The following RELCH variants were observed in gnomAD, a reference collection of about 807,000 sequenced individuals.
RELCH encodes the protein RAB11 binding and LisH domain, coiled-coil and HEAT repeat containing.
A neutral mutation model predicts 150.3 loss-of-function variants in RELCH; 41 were observed. The observed-to-expected ratio is 0.27, with a 90% CI of 0.21 to 0.35. The LOEUF (loss-of-function observed/expected upper bound fraction) is 0.35, where lower values mean the gene tolerates loss of function less well. Among genes scored for constraint, RELCH ranks in the 10% least tolerant of loss-of-function variants. The probability of loss-of-function intolerance (pLI) is 1.00; values close to 1 mark genes in which losing one functional copy is unlikely to be tolerated. For synonymous variants in RELCH, 478 were observed against 531.8 expected (o/e 0.90, Z 1.39); for missense variants, 1,092 against 1,467.8 (o/e 0.74, Z 4.18).
intron 1 of RELCH, among the ~76,000 whole-genome samples, chr18:62,196,381 C>A (rs946559359): frequency 1.3e-5 from 2 of 152,138 alleles, no homozygotes; most frequent in Non-Finnish European, 2.9e-5. Context: ...AAGCCCGCAC[C>A]ACCACACCTG....
In RELCH at chr18:62,264,657, G is replaced by A. The variant is rs1043253724; in HGVS notation, c.2508-72G>A. 3.4e-5 allele frequency: 39 copies of A among 1,142,982 alleles called. No individual in the cohort carries two copies. The African/African-American group carries it at 5.8e-4, about 17-fold the overall frequency. The allele number at this position is 1,142,982 out of a possible 1,614,324, so 70.8% of individuals were successfully genotyped here. ...TAGAACAGGTTATTAGATTTGCATT[G>A]TTTCAGAAATTGGCAAGGAAACAGT... On this transcript the variant is annotated intron_variant, in intron 17 of 28. Coordinates refer to ENST00000644646, the MANE Select transcript of RELCH (RefSeq NM_001346231.2).
In RELCH at chr18:62,228,818, A is replaced by G. The variant is rs146961607; in HGVS notation, c.1448+220A>G. On this transcript the variant is annotated intron_variant, in intron 8 of 28. Coordinates refer to ENST00000644646, the MANE Select transcript of RELCH (RefSeq NM_001346231.2). ...TAAATCAAAAAGGAATTACCCATCA[A>G]TGAGCTAGGTTCTATCTTAGCTAAG... Among the ~76,000 whole-genome samples the G allele has an allele frequency of 3.7e-3, 569 of 152,236 alleles. 4 individuals are homozygous for G. The highest frequency in any genetic ancestry group is 0.013 in the African/African-American group (547 of 41,576).
Position 62,187,650 on chromosome 18 carries a change from C to T in RELCH, c.145C>T (p.Pro49Ser). 1 of 1,558,124 alleles carries T rather than the reference C, an allele frequency of 6.4e-7. No individual in the cohort carries two copies. The highest frequency in any genetic ancestry group is 8.7e-7 in the Non-Finnish European group (1 of 1,149,424). The change falls in exon 1 of 29, where the codon CCT becomes TCT. Residue 49 changes from proline (P) to serine (S), a missense_variant. This residue lies in a region of RELCH where 138 missense variants were observed against 124.8 expected (regional missense o/e 1.11). Coordinates refer to ENST00000644646, the MANE Select transcript of RELCH (RefSeq NM_001346231.2). Reference sequence around the variant, plus strand: ...GCTGGGCGCCGGAAGTGGCCTAGATCCTGGCTCTGCGGGCTCGCTGTCGCC... The same window carrying T: ...GCTGGGCGCCGGAAGTGGCCTAGATTCTGGCTCTGCGGGCTCGCTGTCGCC... ...LRLGAGSGLD[P>S]GSAGSLSPQD... is the part of the protein sequence containing the mutation.
chr18:62,296,005 TG>T (rs527602538), intron 27 of RELCH, among the ~76,000 whole-genome samples: 3 of 152,154 alleles, frequency 2.0e-5, no homozygotes, highest in Admixed American at 1.3e-4. Flanking sequence ...TTTGTTTAAT[TG>T]GGGGGCAGGG....
At chr18:62,256,942 T>C (rs1012170186) in intron 13 of RELCH, among the ~76,000 whole-genome samples, 2 of 152,078 alleles carry the variant, frequency 1.3e-5, no homozygotes, top group African/African-American at 4.8e-5. Context: ...TTCACCAACC[T>C]AAATGTGTTT....
intron 12 of RELCH, among the ~76,000 whole-genome samples, chr18:62,253,388 G>A (rs1007788999): frequency 2.6e-5 from 4 of 151,032 alleles, no homozygotes; most frequent in African/African-American, 7.3e-5. Context: ...GGAGGTTTTT[G>A]TATTTATACT....
intron 27 of RELCH, among the ~76,000 whole-genome samples, chr18:62,298,070 T>C (rs1381272057): frequency 6.6e-6 from 1 of 151,868 alleles, no homozygotes; most frequent in East Asian, 1.9e-4. Context: ...AAGTAGGGAA[T>C]ATTGTCTGTT....
In RELCH at chr18:62,275,395, G is replaced by C. The variant is rs376669611; in HGVS notation, c.2889G>C (p.Glu963Asp). The C allele has an allele frequency of 6.5e-7, 1 of 1,547,386 alleles. No homozygotes were observed. Among genetic ancestry groups the C allele is most frequent in the Non-Finnish European group, 8.7e-7 (1 of 1,154,008 alleles). The change falls in exon 22 of 29, where the codon GAG (glutamate) becomes GAC (aspartate). Residue 963 changes from glutamate to aspartate, a missense_variant. Glu to Asp is a conservative substitution (Grantham distance 45). Around this residue, in one of 4 missense-constraint regions of RELCH, gnomAD observed 707 missense variants for 1,025.4 expected, o/e 0.69. Transcript: ENST00000644646. ...CTAGTGCAAACCCAGCCTACCATGA[G>C]TTACTATTAACTGTTTTGTGGTATG... ...VELGANPAYH[E>D]LLLTVLWYGV...
chr18:62,258,495 C>T lies in RELCH; in HGVS notation c.2038-17C>T. 1.9e-6 allele frequency: 3 copies of T among 1,586,444 alleles called. No homozygotes were observed. The highest frequency in any genetic ancestry group is 4.6e-5 in the East Asian group (2 of 43,766). On this transcript the variant is annotated splice_polypyrimidine_tract_variant and intron_variant, in intron 14 of 28. Transcript: ENST00000644646. ...TATCCCTTTAAAAATCTACATTTGC[C>T]TTTTTCTCATTGACAGGGTTTTGAA...
rs1333247081 is a variant in RELCH at position 62,305,851 on chromosome 18, C to G, written c.*317C>G. 1 of 155,144 alleles carries G rather than the reference C, an allele frequency of 6.4e-6. No individual in the cohort carries two copies. The highest frequency in any genetic ancestry group is 1.4e-5 in the Non-Finnish European group (1 of 70,332). 9.6% of individuals were successfully genotyped at this position (155,144 alleles called of 1,614,324 possible). A position where few individuals can be genotyped will look rare whatever the true frequency, so the allele number is the denominator to read the frequency against. On this transcript the variant is annotated 3_prime_UTR_variant, in exon 29 of 29. Transcript: ENST00000644646. The surrounding 1 kb of genome is among the most constrained non-coding windows in gnomAD (Gnocchi z 4.0). ...TTTTTTAATTTTTGGATGGGATATT[C>G]GCAAATATCTGTATTATACACTAAG...
chr18:62,268,948 G>T lies in RELCH; in HGVS notation c.2760G>T (p.Gln920His). 6.7e-7 allele frequency: 1 copy of T among 1,490,854 alleles called. No individual in the cohort carries two copies. Among genetic ancestry groups the T allele is most frequent in the Non-Finnish European group, 9.0e-7 (1 of 1,105,766 alleles). The allele number at this position is 1,490,854 out of a possible 1,614,324, so 92.4% of individuals were successfully genotyped here. ...CAGGAGTCCTTACGTGTTATATTCA[G>T]GTAAGGGAAAAATTCTTACTCTCTA... ...YATGVLTCYIQEEDRKLLVGF... is the reference protein window; with the variant it reads ...YATGVLTCYIHEEDRKLLVGF... The change falls in exon 20 of 29, where the codon CAG (glutamine) becomes CAT (histidine). Residue 920 changes from glutamine to histidine, a missense_variant and splice_region_variant. Transcript: ENST00000644646.
chr18:62,203,370 T>C (rs192333492), intron 1 of RELCH, among the ~76,000 whole-genome samples: 6,467 of 152,124 alleles, frequency 0.043, 161 homozygotes, highest in South Asian at 0.073. Flanking sequence ...GGCAGGAGAA[T>C]GGCTTGAACC....
chr18:62,258,286 C>T (rs2043085999), intron 14 of RELCH, among the ~76,000 whole-genome samples, 198 bp downstream of exon 14: 2 of 151,888 alleles, frequency 1.3e-5, no homozygotes, highest in African/African-American at 4.8e-5. Context: ...ATAGTATCTG[C>T]CACAGCTTTC....
In RELCH at chr18:62,231,194, G is replaced by T; in HGVS notation, c.1449G>T (p.Arg483Ser). 1.3e-6 allele frequency: 2 copies of T among 1,579,130 alleles called. No individual in the cohort carries two copies. Among genetic ancestry groups the T allele is most frequent in the Non-Finnish European group, 8.7e-7 (1 of 1,153,754 alleles). The change falls in exon 9 of 29, where the codon AGG becomes AGT. Residue 483 changes from arginine to serine, a missense_variant and splice_region_variant. This residue lies in a region of RELCH where 707 missense variants were observed against 1,025.4 expected (regional missense o/e 0.69). Coordinates refer to ENST00000644646, the MANE Select transcript of RELCH (RefSeq NM_001346231.2). ...CTCTTTTTCATACATTTTCTTCTAG[G>T]AAATTGTCTCCTGCATTCCATCAAG... ...KKTVHFDKPNRKLSPAFHQAL... is the reference protein window; with the variant it reads ...KKTVHFDKPNSKLSPAFHQAL...
chr18:62,223,978 T>A (rs150888709), intron 5 of RELCH, among the ~76,000 whole-genome samples: 10,391 of 152,156 alleles, frequency 0.068, 429 homozygotes, highest in Middle Eastern at 0.15. Flanking sequence ...TCTTTTTTTT[T>A]ATTATTATAC....
At position 62,308,495 on chromosome 18, in the gene RELCH, G is replaced by A. The variant is rs112540917; in HGVS notation, c.*2961G>A. ...CAGCACTTTGGGAGGCCAAGGTGAC[G>A]AATCACTTGAGGTCAGTAGTTCAAG... On this transcript the variant is annotated 3_prime_UTR_variant, in exon 29 of 29. Transcript: ENST00000644646. 1,069 of 152,096 alleles carry A rather than the reference G, an allele frequency of 7.0e-3. 13 individuals are homozygous for A. Among genetic ancestry groups the A allele is most frequent in the African/African-American group, 0.025 (1,017 of 41,460 alleles). The allele number at this position is 152,096 out of a possible 1,614,324, so 9.4% of individuals were successfully genotyped here.
rs1234893971 is a variant in RELCH, at chr18:62,275,485, C to T, written c.2967+12C>T. The T allele has an allele frequency of 6.7e-7, 1 of 1,487,698 alleles. No homozygotes were observed. The allele number at this position is 1,487,698 out of a possible 1,614,324, so 92.2% of individuals were successfully genotyped here. On this transcript the variant is annotated intron_variant, in intron 22 of 28. Transcript: ENST00000644646. ...CTAGAATGTTTGAGGTATGTCAACA[C>T]ATGCCTCTGTTGGTTTCAATTATAA...
chr18:62,292,270 C>T (rs1340276411), intron 27 of RELCH, among the ~76,000 whole-genome samples: 1 of 152,152 alleles, frequency 6.6e-6, no homozygotes, highest in African/African-American at 2.4e-5. Flanking sequence ...TCACTCATGA[C>T]CAAGCTGCCA....
rs868109339 is a variant in RELCH at position 62,295,333 on chromosome 18, T to C, written c.3460-3457T>C. ...AGCCTGGTGTGTTTTTTTTTTTTTT[T>C]TCTCTTTCTTTTAAAGTTAGTTTTG... On this transcript the variant is annotated intron_variant, in intron 27 of 28. Coordinates refer to ENST00000644646, the MANE Select transcript of RELCH (RefSeq NM_001346231.2). Among the ~76,000 whole-genome samples the C allele has an allele frequency of 2.0e-3, 302 of 151,430 alleles. 1 individual carries two copies. The highest frequency in any genetic ancestry group is 5.6e-3 in the African/African-American group (230 of 41,404).
Sources: gnomAD v4.1 joint callset for allele counts (sites outside exome capture counted in the v4.1 genomes callset) on GRCh38, gnomAD v4.1.1 for gene constraint, gnomAD v4.1.1 regional missense constraint, Gnocchi (gnomAD v3.1) non-coding constraint, MANE v1.5 for transcripts, NCBI Gene and HGNC (gene_info 2026-07-23, HGNC 2026-07-21) for gene names.